CA10: variants seen among roughly 807,000 people sequenced by gnomAD.
CA10 encodes carbonic anhydrase-related protein 10.
Under a neutral mutation model 44.2 loss-of-function variants are expected in CA10, and 14 were observed. The observed-to-expected ratio is 0.32, with a 90% confidence interval of 0.21 to 0.50. The LOEUF is 0.50. Ranked by LOEUF, CA10 falls within the 20% of genes least tolerant of loss-of-function variation. The probability of loss-of-function intolerance (pLI) is 0.99; values close to 1 mark genes in which losing one functional copy is unlikely to be tolerated. For synonymous variants in CA10, 159 were observed against 141.6 expected (o/e 1.12, Z -0.87); for missense variants, 350 against 409.7 (o/e 0.85, Z 1.26).
chr17:51,738,487 A>G (rs1262455380), intron 4 of CA10, among the ~76,000 whole-genome samples: 1 of 152,196 alleles, frequency 6.6e-6, no homozygotes, highest in Admixed American at 6.5e-5. Context: ...TTGCCTTTTC[A>G]TATTGAGACC....
intron 3 of CA10, among the ~76,000 whole-genome samples, chr17:51,821,583 T>C (rs1018514825): frequency 1.3e-5 from 2 of 152,050 alleles, no homozygotes; most frequent in African/African-American, 4.8e-5. Context: ...CCATCCAGTC[T>C]AGTCTACATC....
chr17:52,145,442 A>T (rs1175259483), intron 1 of CA10, among the ~76,000 whole-genome samples: 1 of 152,178 alleles, frequency 6.6e-6, no homozygotes, highest in Non-Finnish European at 1.5e-5. Context: ...CCTCCATGCC[A>T]CAGAAGTAGT....
At chr17:51,761,083 A>G (rs1019804369) in intron 3 of CA10, among the ~76,000 whole-genome samples, 3 of 152,172 alleles carry the variant, frequency 2.0e-5, no homozygotes, top group Non-Finnish European at 4.4e-5. Flanking sequence ...GCCCTCCCTT[A>G]TGCGAACACA....
intron 4 of CA10, among the ~76,000 whole-genome samples, chr17:51,694,443 T>C (rs1915331661): frequency 6.6e-6 from 1 of 152,114 alleles, no homozygotes; most frequent in South Asian, 2.1e-4. Flanking sequence ...TTCACTTGTA[T>C]ATTTTCTTTT....
At chr17:51,919,810 C>T (rs1598117913) in intron 3 of CA10, among the ~76,000 whole-genome samples, 1 of 152,114 alleles carries the variant, frequency 6.6e-6, no homozygotes, top group African/African-American at 2.4e-5. Context: ...CACCACCACA[C>T]CTGGCTAATT....
intron 4 of CA10, among the ~76,000 whole-genome samples, chr17:51,717,640 T>TGC (rs1916166640): frequency 1.5e-5 from 1 of 65,942 alleles, no homozygotes; most frequent in Non-Finnish European, 3.2e-5. Flanking sequence ...TATATGCATG[T>TGC]ATATATACAT....
intron 1 of CA10, among the ~76,000 whole-genome samples, chr17:52,100,885 G>T: frequency 6.6e-6 from 1 of 152,052 alleles, no homozygotes; most frequent in Non-Finnish European, 1.5e-5. Flanking sequence ...TTATAGCTTT[G>T]GTAGGCTTTT....
intron 2 of CA10, among the ~76,000 whole-genome samples, chr17:52,061,196 C>G (rs1987375537): frequency 6.6e-6 from 1 of 152,068 alleles, no homozygotes; most frequent in Non-Finnish European, 1.5e-5. Flanking sequence ...CCTAGATTAT[C>G]CAGATGGGCC....
intron 2 of CA10, among the ~76,000 whole-genome samples, chr17:51,936,578 C>A (rs142430470): frequency 3.3e-5 from 5 of 151,914 alleles, no homozygotes; most frequent in South Asian, 2.1e-4. Flanking sequence ...CGACTTGAGC[C>A]TGATGGACCA....
chr17:51,706,412 G>T (rs181590899), intron 4 of CA10, among the ~76,000 whole-genome samples: 128 of 152,304 alleles, frequency 8.4e-4, no homozygotes, highest in Non-Finnish European at 1.1e-3. Context: ...ACCAAGTCTA[G>T]CAGTAATTTG....
chr17:51,869,939 C>T (rs981967604), intron 3 of CA10, among the ~76,000 whole-genome samples: 1 of 152,158 alleles, frequency 6.6e-6, no homozygotes, highest in Non-Finnish European at 1.5e-5. Flanking sequence ...ACATCCCTGG[C>T]AATATCATGA....
At chr17:51,845,989 C>CAGCT (rs201716217) in intron 3 of CA10, among the ~76,000 whole-genome samples, 2,196 of 152,294 alleles carry the variant, frequency 0.014, 30 homozygotes, top group Non-Finnish European at 0.02. Flanking sequence ...TCTATGTGAA[C>CAGCT]AGCTGGTCTC....
At chr17:52,120,072 G>A (rs1014588766) in intron 1 of CA10, among the ~76,000 whole-genome samples, 1 of 152,134 alleles carries the variant, frequency 6.6e-6, no homozygotes, top group Non-Finnish European at 1.5e-5. Context: ...ATAAGACCAA[G>A]GGAGCTAACC....
At chr17:51,989,153 C>CTTTTTTTTTT (rs558333341) in intron 2 of CA10, among the ~76,000 whole-genome samples, 1 of 135,126 alleles carries the variant, frequency 7.4e-6, no homozygotes, top group African/African-American at 2.7e-5. Context: ...ATCTCTGTTT[C>CTTTTTTTTTT]TTTTTTTTTT....
intron 2 of CA10, among the ~76,000 whole-genome samples, chr17:51,991,384 A>G (rs960914753): frequency 2.6e-5 from 4 of 152,142 alleles, no homozygotes; most frequent in Non-Finnish European, 4.4e-5. Context: ...TTGCTGAATA[A>G]TCTTTGTATG....
At chr17:51,765,776 C>G (rs1905360673) in intron 3 of CA10, among the ~76,000 whole-genome samples, 1 of 150,104 alleles carries the variant, frequency 6.7e-6, no homozygotes. Flanking sequence ...GACAATCCAG[C>G]AGAAATGTCA....
intron 1 of CA10, among the ~76,000 whole-genome samples, chr17:52,079,194 G>A (rs943486814): frequency 1.3e-5 from 2 of 152,044 alleles, no homozygotes; most frequent in Non-Finnish European, 2.9e-5. Flanking sequence ...GCCAAGACAG[G>A]AGAATGGCGT....
intron 4 of CA10, among the ~76,000 whole-genome samples, chr17:51,743,131 G>A (rs138660546): frequency 1.5e-4 from 23 of 152,324 alleles, no homozygotes; most frequent in African/African-American, 5.5e-4. Flanking sequence ...TGCATGAAGT[G>A]GCTGGTACAA....
chr17:52,101,943 C>T (rs1321821045), intron 1 of CA10, among the ~76,000 whole-genome samples: 1 of 151,796 alleles, frequency 6.6e-6, no homozygotes, highest in African/African-American at 2.4e-5. Flanking sequence ...CTTCTGTTCA[C>T]TTTTTCCTTG....
Sources: gnomAD v4.1 joint callset for allele counts (sites outside exome capture counted in the v4.1 genomes callset) on GRCh38, gnomAD v4.1.1 for gene constraint, MANE v1.5 for transcripts, NCBI Gene and HGNC (gene_info 2026-07-23, HGNC 2026-07-21) for gene names.